FAT3: variants seen among roughly 807,000 people sequenced by gnomAD.
FAT3 encodes protocadherin Fat 3.
Under a neutral mutation model 310.2 loss-of-function variants are expected in FAT3, and 95 were observed. That is an observed-to-expected ratio of 0.31 (90% CI 0.26 to 0.36). FAT3 has a LOEUF of 0.36. Ranked by LOEUF, FAT3 falls within the 10% of genes least tolerant of loss-of-function variation. The pLI, the probability that FAT3 is intolerant of heterozygous loss-of-function variation, is 1.00. For synonymous variants in FAT3, 2,314 were observed against 2,192.9 expected (o/e 1.06, Z -1.54); for missense variants, 5,408 against 5,715.6 (o/e 0.95, Z 1.74).
At chr11:92,633,325 G>A (rs1279105364) in intron 3 of FAT3, among the ~76,000 whole-genome samples, 1 of 152,002 alleles carries the variant, frequency 6.6e-6, no homozygotes, top group East Asian at 1.9e-4. Context: ...TTATCTGATG[G>A]ATGTCCCCAG....
intron 7 of FAT3, among the ~76,000 whole-genome samples, chr11:92,777,391 C>A (rs185969762): frequency 6.6e-5 from 10 of 152,262 alleles, no homozygotes; most frequent in African/African-American, 2.4e-4. Context: ...ATTCATGTGC[C>A]TCAGAGCTAC....
At chr11:92,299,875 G>T (rs1184134564) in intron 1 of FAT3, among the ~76,000 whole-genome samples, 1 of 152,114 alleles carries the variant, frequency 6.6e-6, no homozygotes, top group Non-Finnish European at 1.5e-5. Flanking sequence ...GTTATGAATT[G>T]TAAAGCCTTC....
chr11:92,360,195 C>T (rs1298480152), intron 2 of FAT3, among the ~76,000 whole-genome samples: 1 of 152,180 alleles, frequency 6.6e-6, no homozygotes, highest in Non-Finnish European at 1.5e-5. Context: ...AAATCACAAG[C>T]ATTCTTATAC....
chr11:92,361,098 G>A (rs952104805), intron 2 of FAT3, among the ~76,000 whole-genome samples: 8 of 152,132 alleles, frequency 5.3e-5, no homozygotes, highest in African/African-American at 1.9e-4. Context: ...AAACAGCACT[G>A]TGGCAGACTG....
At chr11:92,359,551 C>A (rs1454872358) in intron 2 of FAT3, among the ~76,000 whole-genome samples, 1 of 150,734 alleles carries the variant, frequency 6.6e-6, no homozygotes, top group Non-Finnish European at 1.5e-5. Flanking sequence ...CATATGTATA[C>A]ATGTGCCATG....
intron 2 of FAT3, among the ~76,000 whole-genome samples, chr11:92,443,118 T>C (rs1392373306): frequency 6.6e-6 from 1 of 152,228 alleles, no homozygotes; most frequent in Non-Finnish European, 1.5e-5. Flanking sequence ...TCGTGCCTTA[T>C]ACTTTTGCAT....
intron 3 of FAT3, among the ~76,000 whole-genome samples, chr11:92,623,737 A>G (rs1472364396): frequency 6.6e-6 from 1 of 152,048 alleles, no homozygotes; most frequent in African/African-American, 2.4e-5. Context: ...AGGTCAGGAG[A>G]TCGAGACCAT....
chr11:92,789,859 G>C (rs1330351160), intron 7 of FAT3, 84 bp from the exon 8 acceptor site: 2 of 1,418,822 alleles, frequency 1.4e-6, no homozygotes, highest in Non-Finnish European at 9.7e-7. Context: ...ACGGGGAAGC[G>C]GGGAGAAAAA....
chr11:92,646,967 A>C (rs184269900), intron 3 of FAT3, among the ~76,000 whole-genome samples: 1 of 152,154 alleles, frequency 6.6e-6, no homozygotes, highest in African/African-American at 2.4e-5. Context: ...TGAGAATCAT[A>C]CTAGGCATAG....
chr11:92,358,353 G>A (rs896194939), intron 2 of FAT3, among the ~76,000 whole-genome samples: 1 of 152,088 alleles, frequency 6.6e-6, no homozygotes, highest in African/African-American at 2.4e-5. Context: ...AAGGATATAA[G>A]CTGTATCTTG....
At position 92,358,398 on chromosome 11, in the gene FAT3, T is replaced by A. The variant is rs16917416; in HGVS notation, c.3292+2994T>A. ...CTCCTCAATCCTAATCCATTGCCCT[T>A]TCCTTTCAATTCTTTCATGTTTCTG... On this transcript the variant is annotated intron_variant, in intron 2 of 27. Transcript: ENST00000525166. 4.4e-3 allele frequency among the ~76,000 whole-genome samples: 671 copies of A among 152,278 alleles called. 9 individuals carry two copies. Among genetic ancestry groups the A allele is most frequent in the African/African-American group, 0.015 (636 of 41,566 alleles).
chr11:92,448,345 A>G (rs1434286911), intron 2 of FAT3, among the ~76,000 whole-genome samples: 1 of 152,010 alleles, frequency 6.6e-6, no homozygotes, highest in Non-Finnish European at 1.5e-5. Flanking sequence ...TTTCTATTTA[A>G]GAGGTGACAC....
chr11:92,583,794 T>C (rs1156722613), intron 3 of FAT3, among the ~76,000 whole-genome samples: 1 of 152,016 alleles, frequency 6.6e-6, no homozygotes, highest in African/African-American at 2.4e-5. Flanking sequence ...CATTGTTCGT[T>C]CATTTTAATT....
intron 3 of FAT3, among the ~76,000 whole-genome samples, chr11:92,617,352 G>A (rs1015447876): frequency 3.9e-5 from 6 of 152,034 alleles, no homozygotes; most frequent in African/African-American, 7.2e-5. Flanking sequence ...TCTTCTGTAC[G>A]CTGTTTATTC....
intron 15 of FAT3, among the ~76,000 whole-genome samples, chr11:92,835,554 G>C (rs1328985246): frequency 6.6e-6 from 1 of 152,108 alleles, no homozygotes; most frequent in Non-Finnish European, 1.5e-5. Flanking sequence ...CACAAAAAAT[G>C]CTAGGTTTTT....
At chr11:92,786,456 A>T (rs1946896214) in intron 7 of FAT3, among the ~76,000 whole-genome samples, 1 of 152,148 alleles carries the variant, frequency 6.6e-6, no homozygotes, top group African/African-American at 2.4e-5. Context: ...CAAATAATTT[A>T]ACAAAAAAAG....
intron 22 of FAT3, among the ~76,000 whole-genome samples, chr11:92,873,921 A>C (rs1221143059): frequency 6.6e-6 from 1 of 152,150 alleles, no homozygotes; most frequent in Admixed American, 6.5e-5. Context: ...TCTGCCACTC[A>C]TTGACTGTGT....
At chr11:92,838,744 G>A (rs1948466719) in intron 17 of FAT3, among the ~76,000 whole-genome samples, 1 of 152,030 alleles carries the variant, frequency 6.6e-6, no homozygotes, top group South Asian at 2.1e-4. Context: ...GTCCCCTTTG[G>A]AATAACATTC....
At chr11:92,259,140 C>T (rs1358201914) in intron 1 of FAT3, among the ~76,000 whole-genome samples, 1 of 152,010 alleles carries the variant, frequency 6.6e-6, no homozygotes, top group Non-Finnish European at 1.5e-5. Flanking sequence ...GAGCATGCTC[C>T]TGCATCTGTA....
Sources: gnomAD v4.1 joint callset for allele counts (sites outside exome capture counted in the v4.1 genomes callset) on GRCh38, gnomAD v4.1.1 for gene constraint, MANE v1.5 for transcripts, NCBI Gene and HGNC (gene_info 2026-07-23, HGNC 2026-07-21) for gene names.